Variants in TRIP12 observed in about 807,000 individuals in gnomAD.
The protein encoded by TRIP12 is E3 ubiquitin-protein ligase TRIP12.
A neutral mutation model predicts 244.2 loss-of-function variants in TRIP12; 25 were observed. The ratio of observed to expected loss-of-function variants is 0.10; its 90% CI spans 0.07 to 0.14. The LOEUF is 0.14. Ranked by LOEUF, TRIP12 falls within the 10% of genes least tolerant of loss-of-function variation. The pLI is 1.00. For synonymous variants in TRIP12, 905 were observed against 873.1 expected (o/e 1.04, Z -0.64); for missense variants, 1,677 against 2,486.4 (o/e 0.67, Z 6.92).
chr2:229,814,354 G>A lies in TRIP12; in HGVS notation c.1732-29C>T, dbSNP rs755772530. 4.4e-6 allele frequency: 7 copies of A among 1,600,080 alleles called. No homozygotes were observed. The Admixed American group carries it at 1.0e-4, about 23-fold the overall frequency. The stretch of plus-strand genomic sequence containing the variant: ...GGAACATATATATAGTTACCATAAG[G>A]TTATCATTTAAGTTCTTTCCCAATA... On this transcript the variant is annotated intron_variant, in intron 11 of 41. Transcript: ENST00000675903.
chr2:229,820,090 G>C (rs1197476660), intron 8 of TRIP12, among the ~76,000 whole-genome samples: 1 of 152,046 alleles, frequency 6.6e-6, no homozygotes, highest in East Asian at 1.9e-4. Flanking sequence ...TAATGTGGAA[G>C]GAAAAACAAA....
chr2:229,802,977 G>T (rs1439205912), intron 20 of TRIP12, among the ~76,000 whole-genome samples: 1 of 152,192 alleles, frequency 6.6e-6, no homozygotes, highest in East Asian at 1.9e-4. Flanking sequence ...GTGAGGCAGG[G>T]GTTCCTATCT....
At chr2:229,859,960 A>G (rs1303828435) in intron 3 of TRIP12, among the ~76,000 whole-genome samples, 1 of 152,230 alleles carries the variant, frequency 6.6e-6, no homozygotes, top group African/African-American at 2.4e-5. Flanking sequence ...AAGCATTAAC[A>G]TACGCACTTT....
intron 6 of TRIP12, among the ~76,000 whole-genome samples, chr2:229,835,482 T>C (rs1173243029): frequency 2.0e-5 from 3 of 152,242 alleles, no homozygotes; most frequent in African/African-American, 7.2e-5. Flanking sequence ...ACAATGCTGT[T>C]ACAAATATGC....
At position 229,858,947 on chromosome 2, in the gene TRIP12, G is replaced by A. The variant is rs754501232; in HGVS notation, c.852C>T (p.Pro284=). ...RRSRSASSPS[P]RRSSREKEQS... ...GTTCCTTTTCCCTGCTACTTCTTCT[G>A]GGGCTGGGACTGGACGCTGAACGGG... The change falls in exon 4 of 42, where the codon CCC becomes CCT. Residue 284 remains proline, a synonymous_variant. Transcript: ENST00000675903. 1.2e-6 allele frequency: 2 copies of A among 1,614,042 alleles called. No homozygotes were observed. Among genetic ancestry groups the A allele is most frequent in the East Asian group, 2.2e-5 (1 of 44,884 alleles).
chr2:229,825,372 AAACC>A (rs2051262592), intron 8 of TRIP12, among the ~76,000 whole-genome samples: 1 of 152,244 alleles, frequency 6.6e-6, no homozygotes, highest in Admixed American at 6.5e-5. Flanking sequence ...AATACAAAAT[AAACC>A]AAGGATCTAT....
intron 1 of TRIP12, among the ~76,000 whole-genome samples, chr2:229,915,532 T>C (rs543772524): frequency 2.0e-5 from 3 of 152,100 alleles, no homozygotes; most frequent in Non-Finnish European, 1.5e-5. Context: ...ACTTATTCTG[T>C]CAACAAACGC....
At chr2:229,892,913 G>C (rs1281394309) in intron 1 of TRIP12, among the ~76,000 whole-genome samples, 3 of 152,078 alleles carry the variant, frequency 2.0e-5, no homozygotes, top group Non-Finnish European at 4.4e-5. Flanking sequence ...ATTCAAATCA[G>C]TAAGACTACA....
chr2:229,892,060 T>C (rs1402871242), intron 1 of TRIP12, among the ~76,000 whole-genome samples: 3 of 152,224 alleles, frequency 2.0e-5, no homozygotes, highest in East Asian at 1.9e-4. Context: ...CAGCAAATAT[T>C]TGAAGGCCTA....
Position 229,789,716 on chromosome 2 carries a change from A to G in TRIP12, c.4590T>C (p.Ile1530=), listed in dbSNP as rs188045226. 1 of 1,614,074 alleles carries G rather than the reference A, an allele frequency of 6.2e-7. No individual in the cohort carries two copies. The highest frequency in any genetic ancestry group is 1.1e-5 in the South Asian group (1 of 91,076). ...ATGTTATATTTTCAGGTGGTGTGGG[A>G]ATGAGGTAAACTTCTAAAGGATTTG... ...SVSNPLEVYL[I]PTPPENITFE... is the part of the protein sequence containing the mutation. Residue 1530 remains isoleucine (I), a synonymous_variant, in exon 31 of 42, where the codon ATT becomes ATC. Transcript: ENST00000675903.
rs1428400961 is a variant in TRIP12 at position 229,764,844 on chromosome 2, C to G, written c.*2710G>C. On this transcript the variant is annotated 3_prime_UTR_variant, in exon 42 of 42. Coordinates refer to ENST00000675903, the MANE Select transcript of TRIP12 (RefSeq NM_001348323.3). ...AAACCCAGTAAAGAGGGACTCCAAG[C>G]ATAATTACTTTCTTTATATCCTGCT... The G allele has an allele frequency of 6.6e-6, 1 of 152,210 alleles. No homozygotes were observed. The highest frequency in any genetic ancestry group is 2.4e-5 in the African/African-American group (1 of 41,446). 9.4% of individuals were successfully genotyped at this position (152,210 alleles called of 1,614,324 possible).
intron 6 of TRIP12, among the ~76,000 whole-genome samples, chr2:229,834,133 C>T (rs936336556): frequency 1.3e-5 from 2 of 152,244 alleles, no homozygotes; most frequent in Non-Finnish European, 2.9e-5. Context: ...AGCCTATCTT[C>T]ACAGTACTGT....
chr2:229,853,527 G>A (rs1410121333), intron 4 of TRIP12, among the ~76,000 whole-genome samples: 2 of 152,074 alleles, frequency 1.3e-5, no homozygotes. Context: ...AGGTGTGGTG[G>A]CACCTGTGAA....
chr2:229,858,427 A>G (rs1407780918), intron 4 of TRIP12, among the ~76,000 whole-genome samples: 1 of 152,186 alleles, frequency 6.6e-6, no homozygotes, highest in African/African-American at 2.4e-5. Flanking sequence ...CTCCTAACTA[A>G]ATGATAATTT....
chr2:229,907,472 A>G (rs922876689), intron 1 of TRIP12, among the ~76,000 whole-genome samples: 1 of 152,196 alleles, frequency 6.6e-6, no homozygotes, highest in African/African-American at 2.4e-5. Flanking sequence ...CCATCTTCTC[A>G]AAACTGTCTT....
At chr2:229,839,468 G>A (rs1316661089) in intron 5 of TRIP12, among the ~76,000 whole-genome samples, 1 of 152,104 alleles carries the variant, frequency 6.6e-6, no homozygotes, top group Non-Finnish European at 1.5e-5. Context: ...ACGAGGTCAG[G>A]AGACCGAGAC....
chr2:229,772,212 C>T (rs1379548867), intron 38 of TRIP12, among the ~76,000 whole-genome samples: 2 of 151,992 alleles, frequency 1.3e-5, no homozygotes, highest in Non-Finnish European at 2.9e-5. Context: ...CTTTGGGTAG[C>T]CCAATGGGTA....
chr2:229,922,412 G>C (rs1423627918), upstream of TRIP12: 5 of 1,096,596 alleles, frequency 4.6e-6, no homozygotes, highest in Admixed American at 7.8e-5. Context: ...CCTTCTGCCA[G>C]CTCATAAGCG....
intron 6 of TRIP12, among the ~76,000 whole-genome samples, chr2:229,833,352 T>C (rs1301780546): frequency 6.6e-6 from 1 of 152,142 alleles, no homozygotes; most frequent in African/African-American, 2.4e-5. Context: ...AATGGTGCAA[T>C]TTACAGCTCA....
Sources: allele counts gnomAD v4.1 joint callset (sites outside exome capture counted in the v4.1 genomes callset), GRCh38; gene constraint gnomAD v4.1.1; transcripts MANE v1.5; gene names NCBI Gene and HGNC (gene_info 2026-07-23, HGNC 2026-07-21).